The following CNTNAP4 variants were observed in gnomAD, a reference collection of about 807,000 sequenced individuals.
CNTNAP4 encodes contactin-associated protein-like 4.
In CNTNAP4, 98 loss-of-function variants were observed where a neutral mutation model predicts 148.4. The observed-to-expected ratio is 0.66, with a 90% CI of 0.56 to 0.78. The LOEUF (loss-of-function observed/expected upper bound fraction) is 0.78. Ranked by LOEUF, CNTNAP4 falls within the 30% of genes least tolerant of loss-of-function variation. The pLI is 0.00. For synonymous variants in CNTNAP4, 730 were observed against 565.1 expected (o/e 1.29, Z -4.14); for missense variants, 1,935 against 1,565.6 (o/e 1.24, Z -3.98).
At chr16:76,413,704 A>G (rs2078881366) in intron 3 of CNTNAP4, among the ~76,000 whole-genome samples, 2 of 151,348 alleles carry the variant, frequency 1.3e-5, no homozygotes, top group Admixed American at 6.6e-5. Flanking sequence ...TAGAATCTAT[A>G]TATTAATTTA....
chr16:76,334,070 T>C (rs370537067), intron 2 of CNTNAP4, among the ~76,000 whole-genome samples: 275 of 152,000 alleles, frequency 1.8e-3, no homozygotes, highest in Non-Finnish European at 3.3e-3. Flanking sequence ...TTTGTAGATA[T>C]ACCTAACACT....
chr16:76,420,926 C>A (rs1317257743), intron 3 of CNTNAP4, among the ~76,000 whole-genome samples: 1 of 151,870 alleles, frequency 6.6e-6, no homozygotes, highest in Non-Finnish European at 1.5e-5. Flanking sequence ...TATTGTCCAT[C>A]TCAATAAAAA....
chr16:76,283,363 T>C (rs954495908), intron 1 of CNTNAP4, among the ~76,000 whole-genome samples: 3 of 151,996 alleles, frequency 2.0e-5, no homozygotes, highest in African/African-American at 7.2e-5. Context: ...TGCACATGTA[T>C]GTTCATTGCA....
chr16:76,384,130 G>A (rs1332032441), intron 3 of CNTNAP4, among the ~76,000 whole-genome samples: 9 of 151,760 alleles, frequency 5.9e-5, no homozygotes, highest in South Asian at 2.1e-4. Flanking sequence ...TGCAACCTCC[G>A]CCTCCCAGGT....
intron 13 of CNTNAP4, among the ~76,000 whole-genome samples, chr16:76,493,700 G>T (rs1270028915): frequency 6.6e-6 from 1 of 152,100 alleles, no homozygotes; most frequent in Non-Finnish European, 1.5e-5. Flanking sequence ...TCACCTTCTG[G>T]TGAAGGGCTA....
chr16:76,292,261 C>A (rs2143840371), intron 1 of CNTNAP4, among the ~76,000 whole-genome samples: 1 of 152,188 alleles, frequency 6.6e-6, no homozygotes, highest in Middle Eastern at 3.4e-3. Context: ...CTCCTTGCAC[C>A]CCTCCCCTTC....
chr16:76,426,831 G>A (rs955312015), intron 3 of CNTNAP4, among the ~76,000 whole-genome samples: 1 of 152,128 alleles, frequency 6.6e-6, no homozygotes, highest in African/African-American at 2.4e-5. Flanking sequence ...AAGTCCGTAA[G>A]TTTAATTACA....
intron 17 of CNTNAP4, among the ~76,000 whole-genome samples, chr16:76,532,916 C>T (rs1332087656): frequency 6.6e-6 from 1 of 152,118 alleles, no homozygotes; most frequent in Non-Finnish European, 1.5e-5. Flanking sequence ...AGAAGAGAGA[C>T]TTCAAGAACG....
At chr16:76,537,503 T>C (rs1597100470) in intron 18 of CNTNAP4, among the ~76,000 whole-genome samples, 2 of 152,122 alleles carry the variant, frequency 1.3e-5, no homozygotes, top group African/African-American at 4.8e-5. Flanking sequence ...ATTAATCTCA[T>C]ACCAGGAAAA....
At chr16:76,320,951 A>G (rs1417306987) in intron 2 of CNTNAP4, among the ~76,000 whole-genome samples, 1 of 152,152 alleles carries the variant, frequency 6.6e-6, no homozygotes, top group East Asian at 1.9e-4. Context: ...ACACCTCTTT[A>G]AGTATATAAA....
chr16:76,467,105 A>G (rs2081201025), intron 9 of CNTNAP4, among the ~76,000 whole-genome samples: 1 of 152,158 alleles, frequency 6.6e-6, no homozygotes, highest in African/African-American at 2.4e-5. Context: ...AATCTAGATC[A>G]AGTTAATATC....
At chr16:76,387,249 T>C (rs2016591252) in intron 3 of CNTNAP4, among the ~76,000 whole-genome samples, 1 of 152,200 alleles carries the variant, frequency 6.6e-6, no homozygotes. Flanking sequence ...ATATCACAAA[T>C]TTGAAAATCC....
chr16:76,432,142 C>A (rs1477617564), intron 4 of CNTNAP4, among the ~76,000 whole-genome samples: 1 of 152,154 alleles, frequency 6.6e-6, no homozygotes, highest in African/African-American at 2.4e-5. Flanking sequence ...ATAATAAAAG[C>A]AGCTCCTTTG....
chr16:76,444,097 G>C (rs941818774), intron 4 of CNTNAP4, among the ~76,000 whole-genome samples: 3 of 152,116 alleles, frequency 2.0e-5, no homozygotes, highest in Non-Finnish European at 4.4e-5. Context: ...AAATTCAAGA[G>C]ATTGAGTGTA....
At chr16:76,482,353 T>C (rs771352496) in intron 12 of CNTNAP4, among the ~76,000 whole-genome samples, 4 of 151,806 alleles carry the variant, frequency 2.6e-5, no homozygotes, top group Non-Finnish European at 2.9e-5. Context: ...CCCTGAGTAA[T>C]TGAGTGTTTG....
At chr16:76,294,414 A>T (rs913456179) in intron 1 of CNTNAP4, among the ~76,000 whole-genome samples, 1 of 152,150 alleles carries the variant, frequency 6.6e-6, no homozygotes, top group Non-Finnish European at 1.5e-5. Flanking sequence ...TCACCTACCT[A>T]TGAAGTGATA....
rs1187988215 is a variant in CNTNAP4, at chr16:76,509,312, A to G, written c.2365+10618A>G. Among the ~76,000 whole-genome samples, 4 of 96,784 alleles carry G rather than the reference A, an allele frequency of 4.1e-5. 2 individuals are homozygous for G. Among genetic ancestry groups the G allele is most frequent in the Non-Finnish European group, 1.2e-4 (4 of 34,140 alleles). The allele number at this position is 96,784 out of a possible 152,430, so 63.5% of individuals were successfully genotyped here. A position where few individuals can be genotyped will look rare whatever the true frequency, so the allele number is the denominator to read the frequency against. On this transcript the variant is annotated intron_variant, in intron 15 of 23. Coordinates refer to ENST00000611870, the MANE Select transcript of CNTNAP4 (RefSeq NM_033401.5). ...TTCCTACCCAAGAGATGCCAGTAGC[A>G]TCCTTCCTCCAAATGTGACGACCAA...
At chr16:76,367,010 C>G (rs1273236165) in intron 3 of CNTNAP4, among the ~76,000 whole-genome samples, 1 of 151,554 alleles carries the variant, frequency 6.6e-6, no homozygotes, top group Non-Finnish European at 1.5e-5. Flanking sequence ...TTAGCAAAAA[C>G]AATAATGGTA....
chr16:76,374,491 A>T (rs1345524971), intron 3 of CNTNAP4, among the ~76,000 whole-genome samples: 1 of 152,122 alleles, frequency 6.6e-6, no homozygotes, highest in Non-Finnish European at 1.5e-5. Context: ...ACTCACAGGG[A>T]ACTGTGCTCA....
Sources: allele counts gnomAD v4.1 joint callset (sites outside exome capture counted in the v4.1 genomes callset), GRCh38; gene constraint gnomAD v4.1.1; transcripts MANE v1.5; gene names NCBI Gene and HGNC (gene_info 2026-07-23, HGNC 2026-07-21).